The following STRBP variants were observed in gnomAD, a reference collection of about 807,000 sequenced individuals.
STRBP encodes the protein spermatid perinuclear RNA binding protein, also known as spermatid perinuclear RNA-binding protein.
In STRBP, 13 loss-of-function variants were observed where a neutral mutation model predicts 80.1. The ratio of observed to expected loss-of-function variants is 0.16; its 90% CI spans 0.11 to 0.26. The LOEUF (loss-of-function observed/expected upper bound fraction) is 0.26. Ranked by LOEUF, STRBP falls within the 10% of genes least tolerant of loss-of-function variation. The pLI is 1.00. For missense variants in STRBP, 485 were observed against 815.2 expected (o/e 0.59, Z 4.93); for synonymous variants, 284 against 291.2 (o/e 0.98, Z 0.25).
At chr9:123,202,990 C>A (rs1474887539) in intron 2 of STRBP, among the ~76,000 whole-genome samples, 2 of 152,204 alleles carry the variant, frequency 1.3e-5, no homozygotes, top group East Asian at 3.8e-4. Flanking sequence ...AGTTATCTTA[C>A]TTCCCCACCT....
At chr9:123,249,220 A>T (rs1057134108) in intron 1 of STRBP, among the ~76,000 whole-genome samples, 9 of 152,024 alleles carry the variant, frequency 5.9e-5, no homozygotes, top group Admixed American at 1.3e-4. Flanking sequence ...ACACACACAA[A>T]TTTTTTTAAT....
chr9:123,227,559 T>C (rs1348719075), intron 2 of STRBP, among the ~76,000 whole-genome samples: 2 of 148,306 alleles, frequency 1.3e-5, no homozygotes, highest in South Asian at 2.1e-4. Flanking sequence ...TTCTCTTTTT[T>C]TTTTTTTCTT....
At chr9:123,204,923 CAAAAAA>C (rs34576355) in intron 2 of STRBP, among the ~76,000 whole-genome samples, 2 of 54,584 alleles carry the variant, frequency 3.7e-5, no homozygotes, top group African/African-American at 1.2e-4. Context: ...GACTCCATCT[CAAAAAA>C]AAAAAAAAAA....
intron 3 of STRBP, chr9:123,109,826 G>A (rs1428212222): frequency 6.6e-6 from 1 of 152,164 alleles, no homozygotes; most frequent in Non-Finnish European, 1.5e-5. Context: ...TGGTGGTCAC[G>A]GTTTCCAGTG....
downstream of STRBP, among the ~76,000 whole-genome samples, chr9:123,120,727 C>T (rs992964016): frequency 3.9e-5 from 6 of 152,010 alleles, no homozygotes; most frequent in East Asian, 5.8e-4. Flanking sequence ...TGGAAAGGAC[C>T]GGAGTATTTG....
At chr9:123,199,080 G>A (rs1419294953) in intron 2 of STRBP, among the ~76,000 whole-genome samples, 1 of 152,180 alleles carries the variant, frequency 6.6e-6, no homozygotes, top group Non-Finnish European at 1.5e-5. Context: ...GAGTAGCTGG[G>A]ACTACAGGCA....
rs529551621 is a variant in STRBP, at chr9:123,114,722, G to A, written c.*84+1207C>T. ...TTCCTCCATTCCCCTGCCTTCCCCC[G>A]TCCTGGTCAGAAACACCATTGTTCC... is the stretch of plus-strand genomic sequence containing the variant. On this transcript the variant is annotated intron_variant and NMD_transcript_variant, in intron 3 of 3. Transcript: ENST00000471564. 1.5e-4 allele frequency: 27 copies of A among 185,820 alleles called. No homozygotes were observed. The South Asian group carries it at 1.8e-3, about 12-fold the overall frequency. 11.5% of individuals were successfully genotyped at this position (185,820 alleles called of 1,614,324 possible). A position where few individuals can be genotyped will look rare whatever the true frequency, so the allele number is the denominator to read the frequency against.
At chr9:123,174,785 C>G (rs2038150831) in intron 4 of STRBP, among the ~76,000 whole-genome samples, 1 of 152,178 alleles carries the variant, frequency 6.6e-6, no homozygotes, top group Non-Finnish European at 1.5e-5. Context: ...TCAAAGAAAT[C>G]AAGTCATAAA....
intron 11 of STRBP, among the ~76,000 whole-genome samples, chr9:123,152,016 G>T (rs920552531): frequency 1.3e-5 from 2 of 151,980 alleles, no homozygotes; most frequent in Non-Finnish European, 2.9e-5. Flanking sequence ...ATAAAATGAG[G>T]ATCTTATAAA....
chr9:123,150,801 G>A (rs952137031), intron 11 of STRBP, among the ~76,000 whole-genome samples: 69 of 152,100 alleles, frequency 4.5e-4, no homozygotes, highest in Admixed American at 1.6e-3. Flanking sequence ...CCCACACACT[G>A]GGTTGGGCCT....
chr9:123,227,266 G>A (rs558166083), intron 2 of STRBP, among the ~76,000 whole-genome samples: 1 of 152,276 alleles, frequency 6.6e-6, no homozygotes, highest in South Asian at 2.1e-4. Context: ...GGTAACCAGG[G>A]TAAGCTTACT....
chr9:123,129,532 C>A (rs1028810629), intron 17 of STRBP, among the ~76,000 whole-genome samples: 3 of 152,164 alleles, frequency 2.0e-5, no homozygotes, highest in African/African-American at 7.2e-5. Flanking sequence ...TGATTTCACT[C>A]CCTCCTTCTC....
At chr9:123,206,162 CTTT>C (rs550089450) in intron 2 of STRBP, among the ~76,000 whole-genome samples, 13 of 152,264 alleles carry the variant, frequency 8.5e-5, no homozygotes, top group South Asian at 4.1e-4. Flanking sequence ...TTACTTTTTA[CTTT>C]TTTAAGTCTA....
At chr9:123,198,306 T>C (rs978777914) in intron 2 of STRBP, among the ~76,000 whole-genome samples, 4 of 152,058 alleles carry the variant, frequency 2.6e-5, no homozygotes, top group Non-Finnish European at 5.9e-5. Context: ...AGGCTAATTT[T>C]TTTTGTATTT....
At chr9:123,188,682 G>A (rs1354044495) in intron 2 of STRBP, among the ~76,000 whole-genome samples, 2 of 151,992 alleles carry the variant, frequency 1.3e-5, no homozygotes, top group Admixed American at 1.3e-4. Flanking sequence ...AAACAACTAT[G>A]CTATCTATAT....
At chr9:123,116,409 A>C (rs2035645591) in intron 2 of STRBP, among the ~76,000 whole-genome samples, 1 of 152,232 alleles carries the variant, frequency 6.6e-6, no homozygotes, top group Admixed American at 6.5e-5. Flanking sequence ...GTTACAGTAT[A>C]AAATGATGGT....
chr9:123,146,733 G>A (rs1588481932), intron 13 of STRBP, 122 bp downstream of exon 13: 1 of 854,028 alleles, frequency 1.2e-6, no homozygotes, highest in East Asian at 2.8e-5. Context: ...AGTAACAAAA[G>A]TCTATATATA....
rs1315527245 is a variant in STRBP at position 123,115,033 on chromosome 9, A to G, written c.*84+896T>C. 5 of 371,330 alleles carry G rather than the reference A, an allele frequency of 1.3e-5. No individual in the cohort carries two copies. Among genetic ancestry groups the G allele is most frequent in the Non-Finnish European group, 2.2e-5 (4 of 178,964 alleles). The allele number at this position is 371,330 out of a possible 1,614,324, so 23.0% of individuals were successfully genotyped here. ...GGTCCTTGGCTATCCAACTGTCCCA[A>G]TCGACCCTCTGGAACTCACTATTGT... is the stretch of plus-strand genomic sequence containing the variant. On this transcript the variant is annotated intron_variant and NMD_transcript_variant, in intron 3 of 3. Transcript: ENST00000471564. This position sits in a 1 kb window ranked among gnomAD's most constrained non-coding sequence, Gnocchi z 5.0.
chr9:123,148,779 C>T (rs1448247446), intron 11 of STRBP, among the ~76,000 whole-genome samples: 1 of 152,136 alleles, frequency 6.6e-6, no homozygotes, highest in Non-Finnish European at 1.5e-5. Flanking sequence ...GTATCATTGC[C>T]TATTTCATAT....
Sources: allele counts gnomAD v4.1 joint callset (sites outside exome capture counted in the v4.1 genomes callset), GRCh38; gene constraint gnomAD v4.1.1; non-coding constraint Gnocchi (gnomAD v3.1); transcripts MANE v1.5; gene names NCBI Gene and HGNC (gene_info 2026-07-23, HGNC 2026-07-21).